Variants in KCNE2 observed in about 807,000 individuals in gnomAD.
The protein encoded by KCNE2 is potassium voltage-gated channel subfamily E member 2.
A neutral mutation model predicts 4.5 loss-of-function variants in KCNE2; 4 were observed. The observed-to-expected ratio is 0.89, with a 90% CI of 0.44 to 2.03. The LOEUF is 2.03. KCNE2 is among the 30% of genes most tolerant of loss of function. The pLI is 0.03. For missense variants in KCNE2, 137 were observed against 151.4 expected, an observed-to-expected ratio of 0.90 and a Z score of 0.50; for synonymous variants, 57 against 55.9, an observed-to-expected ratio of 1.02 and a Z score of -0.09.
intron 1 of KCNE2, among the ~76,000 whole-genome samples, chr21:34,365,593 T>A: frequency 6.6e-6 from 1 of 152,142 alleles, no homozygotes; most frequent in Non-Finnish European, 1.5e-5. Context: ...ATCCAGCTAT[T>A]TTTTTATGTT....
chr21:34,368,988 G>A (rs539833677), intron 1 of KCNE2, among the ~76,000 whole-genome samples: 1 of 152,218 alleles, frequency 6.6e-6, no homozygotes, highest in African/African-American at 2.4e-5. Flanking sequence ...CCTAAAGAAC[G>A]AGGAGGTAGC....
chr21:34,365,367 TA>T (rs1326508290), intron 1 of KCNE2, among the ~76,000 whole-genome samples: 1 of 152,234 alleles, frequency 6.6e-6, no homozygotes, highest in African/African-American at 2.4e-5. Context: ...TTAGCATTAC[TA>T]AAGTAAATGC....
At chr21:34,366,821 T>TA (rs1316240843) in intron 1 of KCNE2, among the ~76,000 whole-genome samples, 1 of 150,534 alleles carries the variant, frequency 6.6e-6, no homozygotes, top group African/African-American at 2.4e-5. Context: ...GTACTAAAAA[T>TA]ACAAAAAATT....
At position 34,370,529 on chromosome 21, in the gene KCNE2, G is replaced by A; in HGVS notation, c.51G>A (p.Arg17=). The change falls in exon 2 of 2, where the codon AGG becomes AGA. Residue 17 remains arginine (R), a synonymous_variant. Coordinates refer to ENST00000290310, the MANE Select transcript of KCNE2 (RefSeq NM_172201.2). Reference sequence around the variant, plus strand: ...AGACGCTGGAAGACGTCTTCCGAAGGATTTTTATTACTTATATGGACAATT... The same window carrying A: ...AGACGCTGGAAGACGTCTTCCGAAGAATTTTTATTACTTATATGGACAATT... The part of the protein sequence containing the change: ...FTQTLEDVFR[R]IFITYMDNWR... The A allele has an allele frequency of 6.2e-7, 1 of 1,614,154 alleles. No individual in the cohort carries two copies.
intron 1 of KCNE2, among the ~76,000 whole-genome samples, chr21:34,368,921 G>T (rs1204022764): frequency 6.6e-6 from 1 of 152,164 alleles, no homozygotes; most frequent in East Asian, 1.9e-4. Context: ...GGTGGTGGTG[G>T]TGGGAAGTGA....
rs1440183298 is a variant in KCNE2, at chr21:34,370,956, T to G, written c.*106T>G. The G allele has an allele frequency of 3.0e-5, 42 of 1,391,208 alleles. 2 individuals are homozygous for G. The Admixed American group carries it at 7.3e-4, about 24-fold the overall frequency. The allele number at this position is 1,391,208 out of a possible 1,614,324, so 86.2% of individuals were successfully genotyped here. A position where few individuals can be genotyped will look rare whatever the true frequency, so the allele number is the denominator to read the frequency against. On this transcript the variant is annotated 3_prime_UTR_variant, in exon 2 of 2. Coordinates refer to ENST00000290310, the MANE Select transcript of KCNE2 (RefSeq NM_172201.2). ...TTTGCTTAGAAGAAAGTGAGTTCCT[T>G]GCTCTCTGTTGAGAATTTTCATGGA... is the stretch of plus-strand genomic sequence containing the variant.
Position 34,370,544 on chromosome 21 carries a change from T to A in KCNE2, c.66T>A (p.Tyr22Ter). The A allele has an allele frequency of 6.2e-7, 1 of 1,614,222 alleles. No homozygotes were observed. Among genetic ancestry groups the A allele is most frequent in the South Asian group, 1.1e-5 (1 of 91,086 alleles). Residue 22 changes from tyrosine to a stop codon, truncating the protein, a stop_gained, in exon 2 of 2, where the codon TAT becomes TAA. Transcript: ENST00000290310. LOFTEE classifies it high-confidence loss of function. The part of the protein sequence containing the change: ...EDVFRRIFIT[Y>*]MDNWRQNTTA... Reference sequence around the variant, plus strand: ...TCTTCCGAAGGATTTTTATTACTTATATGGACAATTGGCGCCAGAACACAA... The same window carrying A: ...TCTTCCGAAGGATTTTTATTACTTAAATGGACAATTGGCGCCAGAACACAA...
intron 1 of KCNE2, among the ~76,000 whole-genome samples, chr21:34,366,719 C>T (rs1979309934): frequency 6.6e-6 from 1 of 151,924 alleles, no homozygotes; most frequent in Non-Finnish European, 1.5e-5. Flanking sequence ...GTGGCTCACG[C>T]CTGTAATCCC....
At chr21:34,368,753 TTTGTTGAGTGC>T (rs1979454750) in intron 1 of KCNE2, among the ~76,000 whole-genome samples, 1 of 152,162 alleles carries the variant, frequency 6.6e-6, no homozygotes, top group East Asian at 1.9e-4. Flanking sequence ...TTAACTGACA[TTTGTTGAGTGC>T]TTGTTATAAA....
At chr21:34,365,460 C>T (rs1979250906) in intron 1 of KCNE2, among the ~76,000 whole-genome samples, 1 of 152,212 alleles carries the variant, frequency 6.6e-6, no homozygotes, top group Non-Finnish European at 1.5e-5. Context: ...GAGACAGGGT[C>T]TCACTGTCAC....
At chr21:34,369,545 G>C (rs181089788) in intron 1 of KCNE2, among the ~76,000 whole-genome samples, 2 of 151,596 alleles carry the variant, frequency 1.3e-5, no homozygotes, top group Admixed American at 1.3e-4. Context: ...GCAAGATTCC[G>C]TCTTAAGAAA....
At position 34,370,541 on chromosome 21, in the gene KCNE2, T is replaced by C. The variant is rs138954752; in HGVS notation, c.63T>C (p.Thr21=). The C allele has an allele frequency of 3.7e-6, 6 of 1,614,218 alleles. No individual in the cohort carries two copies. Among genetic ancestry groups the C allele is most frequent in the Non-Finnish European group, 3.4e-6 (4 of 1,180,040 alleles). ...ACGTCTTCCGAAGGATTTTTATTAC[T>C]TATATGGACAATTGGCGCCAGAACA... The part of the protein sequence containing the change: ...LEDVFRRIFI[T]YMDNWRQNTT... The change falls in exon 2 of 2, where the codon ACT becomes ACC. Residue 21 remains threonine, a synonymous_variant. Coordinates refer to ENST00000290310, the MANE Select transcript of KCNE2 (RefSeq NM_172201.2).
rs1333677285 is a variant in KCNE2 at position 34,370,771 on chromosome 21, G to A, written c.293G>A (p.Ser98Asn). ...GAGGACTGGCAGGAAAAGTACAAGA[G>A]CCAAATCTTGAATCTAGAAGAATCG... ...IVEDWQEKYK[S>N]QILNLEESKA... is the part of the protein sequence containing the mutation. Residue 98 changes from serine to asparagine, a missense_variant, in exon 2 of 2, where the codon AGC becomes AAC. By Grantham distance (46) the Ser-to-Asn change is conservative. Coordinates refer to ENST00000290310, the MANE Select transcript of KCNE2 (RefSeq NM_172201.2). 1.2e-6 allele frequency: 2 copies of A among 1,614,034 alleles called. No individual in the cohort carries two copies. Among genetic ancestry groups the A allele is most frequent in the African/African-American group, 2.7e-5 (2 of 74,902 alleles).
At chr21:34,367,208 C>T (rs1455616365) in intron 1 of KCNE2, among the ~76,000 whole-genome samples, 1 of 150,072 alleles carries the variant, frequency 6.7e-6, no homozygotes, top group Non-Finnish European at 1.5e-5. Flanking sequence ...AACCTGTAAT[C>T]CCAGCACCTT....
rs1390837949 is a variant in KCNE2, at chr21:34,370,949, A to G, written c.*99A>G. 14 of 1,460,308 alleles carry G rather than the reference A, an allele frequency of 9.6e-6. No homozygotes were observed. The highest frequency in any genetic ancestry group is 1.0e-5 in the Non-Finnish European group (11 of 1,050,286). 90.5% of individuals were successfully genotyped at this position (1,460,308 alleles called of 1,614,324 possible). A position where few individuals can be genotyped will look rare whatever the true frequency, so the allele number is the denominator to read the frequency against. ...AATTGTCTTTGCTTAGAAGAAAGTG[A>G]GTTCCTTGCTCTCTGTTGAGAATTT... On this transcript the variant is annotated 3_prime_UTR_variant, in exon 2 of 2. Coordinates refer to ENST00000290310, the MANE Select transcript of KCNE2 (RefSeq NM_172201.2).
In KCNE2 at chr21:34,370,842, T is replaced by TC. The variant is rs756561888; in HGVS notation, c.369dup (p.Ter124LeufsTer16). ...CATTGGTGCGGCTGGGTTCAAAATGTCCCCCTGATAAGGGAGAAAGGCACC... is the reference window on the plus strand; with the variant it reads ...CATTGGTGCGGCTGGGTTCAAAATGTCCCCCCTGATAAGGGAGAAAGGCACC... On this transcript the variant is annotated frameshift_variant, in exon 2 of 2. Transcript: ENST00000290310. LOFTEE classifies it high-confidence loss of function. 6.8e-6 allele frequency: 11 copies of TC among 1,613,842 alleles called. No individual in the cohort carries two copies. The highest frequency in any genetic ancestry group is 1.3e-5 in the African/African-American group (1 of 75,008).
chr21:34,365,385 T>C (rs886500612), intron 1 of KCNE2, among the ~76,000 whole-genome samples: 3 of 152,240 alleles, frequency 2.0e-5, no homozygotes, highest in African/African-American at 7.2e-5. Context: ...ATGCCTATTA[T>C]GATATTCTAC....
In KCNE2 at chr21:34,368,246, ATATATATATATATATGTATGT is replaced by A. The variant is rs1209326096; in HGVS notation, c.-12-2211_-12-2191del. On this transcript the variant is annotated intron_variant, in intron 1 of 1. Transcript: ENST00000290310. ...ACACACACAATATATATATATATAT[ATATATATATATATATGTATGT>A]TATATATATGTATGTTATATATATG... Among the ~76,000 whole-genome samples the A allele has an allele frequency of 1.9e-3, 200 of 104,678 alleles. 2 individuals are homozygous for A. The highest frequency in any genetic ancestry group is 6.3e-3 in the African/African-American group (145 of 23,124). 68.7% of individuals were successfully genotyped at this position (104,678 alleles called of 152,430 possible).
chr21:34,369,133 G>A (rs938028559), intron 1 of KCNE2, among the ~76,000 whole-genome samples: 3 of 152,184 alleles, frequency 2.0e-5, no homozygotes, highest in Non-Finnish European at 4.4e-5. Context: ...GGTAACTGAG[G>A]AGGTGGTCAG....
Sources: gnomAD v4.1 joint callset for allele counts (sites outside exome capture counted in the v4.1 genomes callset) on GRCh38, gnomAD v4.1.1 for gene constraint, MANE v1.5 for transcripts, NCBI Gene and HGNC (gene_info 2026-07-23, HGNC 2026-07-21) for gene names.